The following ARHGEF12 variants were observed in gnomAD, a reference collection of about 807,000 sequenced individuals.
The protein encoded by ARHGEF12 is KMT2A/ARHGEF12 fusion protein.
In ARHGEF12, 66 loss-of-function variants were observed where a neutral mutation model predicts 211.2. The ratio of observed to expected loss-of-function variants is 0.31; its 90% CI spans 0.26 to 0.38. ARHGEF12 has a LOEUF of 0.38. Among genes scored for constraint, ARHGEF12 ranks in the 10% least tolerant of loss-of-function variants. The probability of loss-of-function intolerance (pLI) is 1.00; values close to 1 mark genes in which losing one functional copy is unlikely to be tolerated. For missense variants in ARHGEF12, 1,429 were observed against 1,869.5 expected, an observed-to-expected ratio of 0.76 and a Z score of 4.34; for synonymous variants, 592 against 638.4, an observed-to-expected ratio of 0.93 and a Z score of 1.09.
At chr11:120,432,503 A>T (rs1945578962) in intron 11 of ARHGEF12, among the ~76,000 whole-genome samples, 1 of 152,224 alleles carries the variant, frequency 6.6e-6, no homozygotes, top group African/African-American at 2.4e-5. Flanking sequence ...AGTATTACTT[A>T]CCCAGCAATA....
chr11:120,376,313 G>A (rs1038856042), intron 1 of ARHGEF12, among the ~76,000 whole-genome samples: 30 of 151,908 alleles, frequency 2.0e-4, no homozygotes, highest in African/African-American at 6.8e-4. Context: ...TTGAAATAAA[G>A]CTTTCCTTTC....
chr11:120,442,336 TTACTC>T lies in ARHGEF12; in HGVS notation c.1302+137_1302+141del, dbSNP rs1408739500. On this transcript the variant is annotated intron_variant, in intron 15 of 40. Transcript: ENST00000397843. ...ACCTGTATTATATTTCAATTATTGA[TTACTC>T]TAGACTTTTTTTTTTTTATCATTTC... 5 of 606,664 alleles carry T rather than the reference TTACTC, an allele frequency of 8.2e-6. No individual in the cohort carries two copies. The Admixed American group carries it at 1.9e-4, about 23-fold the overall frequency. The allele number at this position is 606,664 out of a possible 1,614,324, so 37.6% of individuals were successfully genotyped here.
intron 21 of ARHGEF12, 43 bp downstream of exon 21, chr11:120,449,257 C>T (rs1254824468): frequency 2.0e-6 from 3 of 1,482,252 alleles, no homozygotes; most frequent in South Asian, 2.3e-5. Context: ...TACTCCAGGC[C>T]CTCTTCACAT....
Position 120,459,205 on chromosome 11 carries a change from A to G in ARHGEF12, c.2412A>G (p.Arg804=). The stretch of plus-strand genomic sequence containing the variant: ...TCTACACTGAAAGAGCTCATGTTCG[A>G]ACACTGAAGGTTCTTGATCAAGTGT... The part of the protein sequence containing the change: ...ELFYTERAHV[R]TLKVLDQVFY... Residue 804 remains arginine, a synonymous_variant, in exon 26 of 41, where the codon CGA becomes CGG. Transcript: ENST00000397843. The G allele has an allele frequency of 3.1e-6, 5 of 1,613,468 alleles. No homozygotes were observed. The highest frequency in any genetic ancestry group is 2.5e-6 in the Non-Finnish European group (3 of 1,179,696).
At chr11:120,432,122 C>T (rs1463359914) in intron 11 of ARHGEF12, among the ~76,000 whole-genome samples, 1 of 152,144 alleles carries the variant, frequency 6.6e-6, no homozygotes, top group Non-Finnish European at 1.5e-5. Context: ...ACACCCATTG[C>T]CAACTGTTTC....
intron 1 of ARHGEF12, among the ~76,000 whole-genome samples, chr11:120,394,915 G>A (rs754123123): frequency 1.3e-5 from 2 of 151,604 alleles, no homozygotes; most frequent in African/African-American, 2.4e-5. Flanking sequence ...AACATCAGCC[G>A]GCATTGTGGC....
At chr11:120,375,445 T>G (rs1157149213) in intron 1 of ARHGEF12, among the ~76,000 whole-genome samples, 2 of 152,078 alleles carry the variant, frequency 1.3e-5, no homozygotes, top group Non-Finnish European at 2.9e-5. Flanking sequence ...CTACCAACAC[T>G]GTAATGATAT....
chr11:120,484,579 T>C, intron 40 of ARHGEF12, 72 bp downstream of exon 40: 6 of 1,332,914 alleles, frequency 4.5e-6, no homozygotes, highest in Non-Finnish European at 6.3e-6. Flanking sequence ...TATCATACTT[T>C]GAAGTGAAAA....
Position 120,445,403 on chromosome 11 carries a change from T to C in ARHGEF12, c.1303-19T>C, listed in dbSNP as rs1946014176. ...ATATCTTTAGCGTTGTTACACCTTT[T>C]GTTTGCATTTCATTTTAGCACCTGA... On this transcript the variant is annotated intron_variant, in intron 15 of 40. Coordinates refer to ENST00000397843, the MANE Select transcript of ARHGEF12 (RefSeq NM_015313.3). 2 of 1,613,796 alleles carry C rather than the reference T, an allele frequency of 1.2e-6. No homozygotes were observed. Among genetic ancestry groups the C allele is most frequent in the African/African-American group, 2.7e-5 (2 of 74,944 alleles).
At chr11:120,371,036 A>T (rs1943574714) in intron 1 of ARHGEF12, among the ~76,000 whole-genome samples, 1 of 152,182 alleles carries the variant, frequency 6.6e-6, no homozygotes, top group African/African-American at 2.4e-5. Flanking sequence ...TTAATCTGTA[A>T]AAGGAGAATA....
intron 22 of ARHGEF12, among the ~76,000 whole-genome samples, chr11:120,455,637 C>T (rs1444975507): frequency 6.6e-6 from 1 of 152,060 alleles, no homozygotes; most frequent in African/African-American, 2.4e-5. Flanking sequence ...TCCTGGGATC[C>T]AGGAAACACT....
chr11:120,440,102 C>T (rs778340207), intron 12 of ARHGEF12, 27 bp from the exon 13 acceptor site: 9 of 1,548,234 alleles, frequency 5.8e-6, no homozygotes, highest in Non-Finnish European at 8.0e-6. Flanking sequence ...GGTAATTTTT[C>T]TGTTTCTTTT....
intron 24 of ARHGEF12, 30 bp from the exon 25 acceptor site, chr11:120,458,050 C>A: frequency 6.3e-7 from 1 of 1,593,060 alleles, no homozygotes; most frequent in South Asian, 1.2e-5. Flanking sequence ...CTAAAGTCTT[C>A]AAATTGAATT....
chr11:120,385,285 G>T (rs1169090257), intron 1 of ARHGEF12: 8 of 985,158 alleles, frequency 8.1e-6, no homozygotes, highest in Non-Finnish European at 9.6e-6. Context: ...GGGAGAAGAG[G>T]TGGGGTTTCT....
intron 31 of ARHGEF12, 25 bp downstream of exon 31, chr11:120,473,152 T>A (rs780541146): frequency 1.2e-6 from 2 of 1,601,308 alleles, no homozygotes; most frequent in East Asian, 4.5e-5. Context: ...AATCATAATT[T>A]AAAAAATAAA....
At chr11:120,401,908 C>G (rs936270494) in intron 1 of ARHGEF12, among the ~76,000 whole-genome samples, 1 of 152,034 alleles carries the variant, frequency 6.6e-6, no homozygotes, top group Admixed American at 6.6e-5. Flanking sequence ...TTCTTTTCTG[C>G]TTATTTGAAT....
At chr11:120,423,789 C>G (rs1945267321) in intron 6 of ARHGEF12, among the ~76,000 whole-genome samples, 1 of 151,998 alleles carries the variant, frequency 6.6e-6, no homozygotes, top group Admixed American at 6.6e-5. Context: ...TAACTTGGAT[C>G]AGAGAATTAA....
At chr11:120,432,256 C>T (rs1363401570) in intron 11 of ARHGEF12, among the ~76,000 whole-genome samples, 1 of 152,032 alleles carries the variant, frequency 6.6e-6, no homozygotes, top group Non-Finnish European at 1.5e-5. Flanking sequence ...GTTAATATTC[C>T]ATTTGTGGTC....
Position 120,336,460 on chromosome 11 carries a change from C to G in ARHGEF12, c.-784C>G, listed in dbSNP as rs909352055. 6.6e-6 allele frequency among the ~76,000 whole-genome samples: 1 copy of G among 151,804 alleles called. No individual in the cohort carries two copies. Among genetic ancestry groups the G allele is most frequent in the South Asian group, 2.1e-4 (1 of 4,834 alleles). On this transcript the variant is annotated 5_prime_UTR_variant, in exon 1 of 41. Coordinates refer to ENST00000397843, the MANE Select transcript of ARHGEF12 (RefSeq NM_015313.3). ...CGCCGGGAGACGCCGCCGCCTCCGCCTCCCGGACCAGGGCTTCCAGGCCGG... is the reference window on the plus strand; with the variant it reads ...CGCCGGGAGACGCCGCCGCCTCCGCGTCCCGGACCAGGGCTTCCAGGCCGG...
Sources: gnomAD v4.1 joint callset for allele counts (sites outside exome capture counted in the v4.1 genomes callset) on GRCh38, gnomAD v4.1.1 for gene constraint, MANE v1.5 for transcripts, NCBI Gene and HGNC (gene_info 2026-07-23, HGNC 2026-07-21) for gene names.